GNG3: variants seen among roughly 807,000 people sequenced by gnomAD.
GNG3 encodes G protein subunit gamma 3, also known as guanine nucleotide-binding protein G(I)/G(S)/G(O) subunit gamma-3.
Under a neutral mutation model 5.6 loss-of-function variants are expected in GNG3, and 4 were observed. That is an observed-to-expected ratio of 0.71 (90% CI 0.35 to 1.63). The LOEUF is 1.63. GNG3 is among the 40% of genes most tolerant of loss of function. The pLI, the probability that GNG3 is intolerant of heterozygous loss-of-function variation, is 0.05. For synonymous variants in GNG3, 30 were observed against 33.5 expected, an observed-to-expected ratio of 0.89 and a Z score of 0.36; for missense variants, 62 against 96.6, an observed-to-expected ratio of 0.64 and a Z score of 1.50.
At chr11:62,706,467 GCGGCAGGTTT>G (rs2083539934), upstream of GNG3, 10 of 405,014 alleles carry the variant, frequency 2.5e-5, no homozygotes, top group Non-Finnish European at 4.6e-5. Context: ...GGCTCTCTCT[GCGGCAGGTTT>G]CCCTCCGGTT....
Position 62,709,067 on chromosome 11 carries a change from C to T in GNG3, c.*261C>T, listed in dbSNP as rs1038914412. The stretch of plus-strand genomic sequence containing the variant: ...ACAGCAGGGCCCCGTCAGACTCTGC[C>T]AGCGCGTCCTGCCCGCTTCCCTCGG... On this transcript the variant is annotated 3_prime_UTR_variant, in exon 3 of 3. Transcript: ENST00000294117. 1.6e-5 allele frequency: 8 copies of T among 499,546 alleles called. No individual in the cohort carries two copies. The Admixed American group carries it at 2.1e-4, about 13-fold the overall frequency. 30.9% of individuals were successfully genotyped at this position (499,546 alleles called of 1,614,324 possible). A position where few individuals can be genotyped will look rare whatever the true frequency, so the allele number is the denominator to read the frequency against.
At chr11:62,706,456 T>C, upstream of GNG3, 1 of 408,794 alleles carries the variant, frequency 2.4e-6, no homozygotes, top group Non-Finnish European at 4.5e-6. Context: ...CGCTCGCCAC[T>C]GGCTCTCTCT....
At chr11:62,706,773 T>A, upstream of GNG3, 1 of 551,520 alleles carries the variant, frequency 1.8e-6, no homozygotes, top group South Asian at 1.5e-5. Context: ...CCTCTTGCGT[T>A]GTTGCGCAGG....
In GNG3 at chr11:62,707,705, A is replaced by G; in HGVS notation, c.-212A>G. Reference sequence around the variant, plus strand: ...TAGCATCCTTCATCCTTCAGGTACCAGCCATCCAGACAGTGCTTGAGCTGC... The same window carrying G: ...TAGCATCCTTCATCCTTCAGGTACCGGCCATCCAGACAGTGCTTGAGCTGC... On this transcript the variant is annotated 5_prime_UTR_variant, in exon 1 of 3. Coordinates refer to ENST00000294117, the MANE Select transcript of GNG3 (RefSeq NM_012202.5). 1 of 353,450 alleles carries G rather than the reference A, an allele frequency of 2.8e-6. No individual in the cohort carries two copies. Among genetic ancestry groups the G allele is most frequent in the South Asian group, 2.6e-5 (1 of 38,104 alleles). The allele number at this position is 353,450 out of a possible 1,614,324, so 21.9% of individuals were successfully genotyped here.
At chr11:62,708,244 A>C (rs2083576273) in intron 1 of GNG3, 51 bp from the exon 2 acceptor site, 10 of 1,174,102 alleles carry the variant, frequency 8.5e-6, no homozygotes, top group South Asian at 3.6e-5. Flanking sequence ...GTGAGCATGG[A>C]GGGGGGCCTC....
chr11:62,709,111 G>A lies in GNG3; in HGVS notation c.*305G>A, dbSNP rs1342910209. On this transcript the variant is annotated 3_prime_UTR_variant, in exon 3 of 3. Transcript: ENST00000294117. ...CCCTCGGTGACCTGCTCAGACAATG[G>A]AGAGGGATGGGCCAGGTTCTTGCTC... is the stretch of plus-strand genomic sequence containing the variant. 6.3e-6 allele frequency: 3 copies of A among 479,660 alleles called. No homozygotes were observed. Among genetic ancestry groups the A allele is most frequent in the African/African-American group, 2.0e-5 (1 of 51,136 alleles). The allele number at this position is 479,660 out of a possible 1,614,324, so 29.7% of individuals were successfully genotyped here.
chr11:62,708,747 C>T lies in GNG3; in HGVS notation c.169C>T (p.Pro57Ser). 1 of 1,614,088 alleles carries T rather than the reference C, an allele frequency of 6.2e-7. No homozygotes were observed. Among genetic ancestry groups the T allele is most frequent in the African/African-American group, 1.3e-5 (1 of 75,022 alleles). The change falls in exon 3 of 3, where the codon CCT becomes TCT. Residue 57 changes from proline to serine, a missense_variant. This residue lies in a region of GNG3 where 58 missense variants were observed against 75.4 expected (regional missense o/e 0.77). Transcript: ENST00000294117. ...AHACEDPLIT[P>S]VPTSENPFRE... The stretch of plus-strand genomic sequence containing the variant: ...CGCCTGTGAGGATCCCCTCATCACC[C>T]CTGTGCCCACTTCGGAGAACCCCTT...
At chr11:62,708,235 TGAG>T in intron 1 of GNG3, 57 bp from the exon 2 acceptor site, 1 of 1,062,150 alleles carries the variant, frequency 9.4e-7, no homozygotes, top group Non-Finnish European at 1.5e-6. Flanking sequence ...TGGTGTGGAG[TGAG>T]CATGGAGGGG....
Position 62,709,157 on chromosome 11 carries a change from T to A in GNG3, c.*351T>A. 1 of 471,622 alleles carries A rather than the reference T, an allele frequency of 2.1e-6. No homozygotes were observed. The highest frequency in any genetic ancestry group is 2.0e-5 in the African/African-American group (1 of 50,784). 29.2% of individuals were successfully genotyped at this position (471,622 alleles called of 1,614,324 possible). On this transcript the variant is annotated 3_prime_UTR_variant, in exon 3 of 3. Transcript: ENST00000294117. The stretch of plus-strand genomic sequence containing the variant: ...TGCTCTCAGTCTCACCTGGAGCTAC[T>A]GGGAGGGTAAAGCCATTTGAAGAAT...
chr11:62,707,724 G>T lies in GNG3; in HGVS notation c.-193G>T. 1 of 320,816 alleles carries T rather than the reference G, an allele frequency of 3.1e-6. No homozygotes were observed. Among genetic ancestry groups the T allele is most frequent in the Non-Finnish European group, 6.0e-6 (1 of 165,764 alleles). 19.9% of individuals were successfully genotyped at this position (320,816 alleles called of 1,614,324 possible). Reference sequence around the variant, plus strand: ...GGTACCAGCCATCCAGACAGTGCTTGAGCTGCAGAAACTGAGACCAGACCT... The same window carrying T: ...GGTACCAGCCATCCAGACAGTGCTTTAGCTGCAGAAACTGAGACCAGACCT... On this transcript the variant is annotated 5_prime_UTR_variant, in exon 1 of 3. Coordinates refer to ENST00000294117, the MANE Select transcript of GNG3 (RefSeq NM_012202.5).
upstream of GNG3, chr11:62,707,215 T>C (rs1312113740): frequency 2.5e-5 from 38 of 1,550,230 alleles, no homozygotes; most frequent in Non-Finnish European, 3.1e-5. Context: ...GAGCCTCTGT[T>C]GACTCTGGAT....
At chr11:62,707,998 G>A (rs1272796270) in intron 1 of GNG3, 83 bp downstream of exon 1, 2 of 424,128 alleles carry the variant, frequency 4.7e-6, no homozygotes, top group East Asian at 4.5e-5. Flanking sequence ...GGTTGGTTGA[G>A]GTCTTCAGAG....
upstream of GNG3, chr11:62,706,689 C>A (rs1483450001): frequency 6.2e-6 from 3 of 480,964 alleles, no homozygotes; most frequent in Non-Finnish European, 1.3e-5. Context: ...TTATCGCCCA[C>A]AGCTCCTAGG....
chr11:62,708,607 C>A, intron 2 of GNG3, 71 bp from the exon 3 acceptor site: 4 of 1,592,034 alleles, frequency 2.5e-6, no homozygotes, highest in Non-Finnish European at 3.4e-6. Context: ...AAAGAGAACC[C>A]ATTTGGGGAG....
In GNG3 at chr11:62,709,064, T is replaced by TGCCA. The variant is rs2134754690; in HGVS notation, c.*261_*264dup. 2.0e-6 allele frequency: 1 copy of TGCCA among 500,208 alleles called. No individual in the cohort carries two copies. Among genetic ancestry groups the TGCCA allele is most frequent in the East Asian group, 4.2e-5 (1 of 23,928 alleles). The allele number at this position is 500,208 out of a possible 1,614,324, so 31.0% of individuals were successfully genotyped here. ...CCCACAGCAGGGCCCCGTCAGACTCTGCCAGCGCGTCCTGCCCGCTTCCCT... is the reference window on the plus strand; with the variant it reads ...CCCACAGCAGGGCCCCGTCAGACTCTGCCAGCCAGCGCGTCCTGCCCGCTTCCCT... On this transcript the variant is annotated 3_prime_UTR_variant, in exon 3 of 3. Coordinates refer to ENST00000294117, the MANE Select transcript of GNG3 (RefSeq NM_012202.5).
upstream of GNG3, chr11:62,706,491 G>A: frequency 2.5e-6 from 1 of 402,910 alleles, no homozygotes; most frequent in African/African-American, 2.1e-5. Flanking sequence ...TCCGGTTACC[G>A]TGACCAAAGG....
upstream of GNG3, chr11:62,707,273 G>A (rs1157359451): frequency 1.6e-6 from 2 of 1,220,420 alleles, no homozygotes; most frequent in Non-Finnish European, 1.2e-6. Flanking sequence ...CGATCCAGAC[G>A]CTGATACCTG....
In GNG3 at chr11:62,708,310, C is replaced by G. The variant is rs572417715; in HGVS notation, c.15C>G (p.Thr5=). 99 of 1,611,424 alleles carry G rather than the reference C, an allele frequency of 6.1e-5. 1 individual carries two copies. In the Middle Eastern group the frequency reaches 4.0e-3, roughly 65 times the overall value. Reference sequence around the variant, plus strand: ...TTTTTTCCAGGATGAAAGGTGAGACCCCGGTGAACAGCACTATGAGTATTG... The same window carrying G: ...TTTTTTCCAGGATGAAAGGTGAGACGCCGGTGAACAGCACTATGAGTATTG... MKGE[T]PVNSTMSIGQ... The change falls in exon 2 of 3, where the codon ACC becomes ACG. Residue 5 remains threonine, a synonymous_variant. Transcript: ENST00000294117.
chr11:62,706,473 G>A, upstream of GNG3: 1 of 401,834 alleles, frequency 2.5e-6, no homozygotes, highest in South Asian at 1.9e-5. Flanking sequence ...CTCTGCGGCA[G>A]GTTTCCCTCC....
Sources: allele counts gnomAD v4.1 joint callset, GRCh38; gene constraint gnomAD v4.1.1; regional missense constraint gnomAD v4.1.1; transcripts MANE v1.5; gene names NCBI Gene and HGNC (gene_info 2026-07-23, HGNC 2026-07-21).